The following SAMD10 variants were observed in gnomAD, a reference collection of about 807,000 sequenced individuals.
SAMD10 encodes sterile alpha motif domain containing 10.
A neutral mutation model predicts 22.5 loss-of-function variants in SAMD10; 16 were observed. The ratio of observed to expected loss-of-function variants is 0.71; its 90% CI spans 0.48 to 1.08. SAMD10 has a LOEUF of 1.08. Among genes scored for constraint, SAMD10 ranks in the 50% least tolerant of loss-of-function variants. The pLI is 0.00. For missense variants in SAMD10, 227 were observed against 281.3 expected, an observed-to-expected ratio of 0.81 and a Z score of 1.38; for synonymous variants, 118 against 122.2, an observed-to-expected ratio of 0.97 and a Z score of 0.23.
chr20:63,975,602 G>T (rs1291955336), intron 4 of SAMD10, 70 bp from the exon 5 acceptor site: 4 of 1,581,148 alleles, frequency 2.5e-6, no homozygotes, highest in Middle Eastern at 1.7e-4. Context: ...GCTTACTGGG[G>T]CCTGCAGCCG....
intron 3 of SAMD10, among the ~76,000 whole-genome samples, chr20:63,976,764 C>CAAAAAA (rs60461303): frequency 1.3e-4 from 8 of 63,924 alleles, no homozygotes; most frequent in African/African-American, 3.3e-4. Context: ...TCTGTCTCAC[C>CAAAAAA]AAAAAAAAAA....
chr20:63,978,156 C>T (rs1023684614), intron 1 of SAMD10: 17 of 473,850 alleles, frequency 3.6e-5, no homozygotes, highest in Admixed American at 1.3e-4. Flanking sequence ...TGGGGACCCA[C>T]GGTGATGCTC....
Position 63,975,502 on chromosome 20 carries a change from A to G in SAMD10, c.*8T>C, listed in dbSNP as rs1379538050. ...GTGCTGGGGTCTGGGTTCAAGCCTC[A>G]GCAGCAGCTAGGACATTTTCCCGAA... On this transcript the variant is annotated 3_prime_UTR_variant, in exon 5 of 5. Coordinates refer to ENST00000369886, the MANE Select transcript of SAMD10 (RefSeq NM_080621.5). The G allele has an allele frequency of 6.2e-7, 1 of 1,609,508 alleles. No homozygotes were observed. The highest frequency in any genetic ancestry group is 1.7e-5 in the Admixed American group (1 of 58,300).
In SAMD10 at chr20:63,979,619, G is replaced by A; in HGVS notation, c.-152C>T. The A allele has an allele frequency of 1.0e-6, 1 of 984,924 alleles. No homozygotes were observed. Among genetic ancestry groups the A allele is most frequent in the Non-Finnish European group, 1.2e-6 (1 of 830,038 alleles). 61.0% of individuals were successfully genotyped at this position (984,924 alleles called of 1,614,324 possible). On this transcript the variant is annotated 5_prime_UTR_variant, in exon 1 of 5. Coordinates refer to ENST00000369886, the MANE Select transcript of SAMD10 (RefSeq NM_080621.5). The surrounding 1 kb of genome is among the most constrained non-coding windows in gnomAD (Gnocchi z 7.7). ...CGCGGCCCGCGAGTGTGCGCGACGA[G>A]GCACCTGCCGCCGAGCCCTGTGTGC...
At chr20:63,978,202 G>A (rs1481352969) in intron 1 of SAMD10, 1 of 730,718 alleles carries the variant, frequency 1.4e-6, no homozygotes, top group Admixed American at 2.4e-5. Context: ...GCATTAAAGT[G>A]TTTCATCTGA....
intron 1 of SAMD10, among the ~76,000 whole-genome samples, chr20:63,978,890 C>G (rs2059042890): frequency 6.6e-6 from 1 of 152,218 alleles, no homozygotes; most frequent in African/African-American, 2.4e-5. Context: ...TCAGCCCGCA[C>G]GGCACCTGCC....
rs1344331635 is a variant in SAMD10 at position 63,975,709 on chromosome 20, A to G, written c.569T>C (p.Leu190Pro). ...ACACTGACCTTGGCTGAGCAGCTGC[A>G]GGCTCCGCCCCTCCTCACGCACCTG... ...RLQVREEGRS[L>P]QLLSQASFGK... Residue 190 changes from leucine to proline, a missense_variant, in exon 4 of 5, where the codon CTG (leucine) becomes CCG (proline). Transcript: ENST00000369886. The G allele has an allele frequency of 6.2e-7, 1 of 1,605,294 alleles. No individual in the cohort carries two copies. Among genetic ancestry groups the G allele is most frequent in the Non-Finnish European group, 8.5e-7 (1 of 1,177,294 alleles).
At position 63,979,392 on chromosome 20, in the gene SAMD10, G is replaced by T; in HGVS notation, c.76C>A (p.Arg26Ser). The T allele has an allele frequency of 6.7e-7, 1 of 1,487,516 alleles. No homozygotes were observed. Among genetic ancestry groups the T allele is most frequent in the Non-Finnish European group, 8.9e-7 (1 of 1,125,128 alleles). 92.1% of individuals were successfully genotyped at this position (1,487,516 alleles called of 1,614,324 possible). A position where few individuals can be genotyped will look rare whatever the true frequency, so the allele number is the denominator to read the frequency against. Residue 26 changes from arginine (R) to serine (S), a missense_variant, in exon 1 of 5, where the codon CGC becomes AGC. Transcript: ENST00000369886. The surrounding 1 kb of genome is among the most constrained non-coding windows in gnomAD (Gnocchi z 7.7). The part of the protein sequence containing the change: ...AGAVRAGFGE[R>S]RDVDATAHFS... Reference sequence around the variant, plus strand: ...CCCCGCTCACCGTCCACATCCCGGCGCTCCCCGAAGCCCGCGCGCACGGCC... The same window carrying T: ...CCCCGCTCACCGTCCACATCCCGGCTCTCCCCGAAGCCCGCGCGCACGGCC...
In SAMD10 at chr20:63,979,379, T is replaced by C; in HGVS notation, c.89A>G (p.Asp30Gly). Residue 30 changes from aspartate to glycine, a missense_variant and splice_region_variant, in exon 1 of 5, where the codon GAC becomes GGC. Physicochemically the swap from Asp to Gly is moderately conservative, Grantham distance 94 (BLOSUM62 -1). Transcript: ENST00000369886. This position sits in a 1 kb window ranked among gnomAD's most constrained non-coding sequence, Gnocchi z 7.7. The part of the protein sequence containing the change: ...RAGFGERRDV[D>G]ATAHFSFCRT... ...CTCCCCAATCCAGCCCCGCTCACCG[T>C]CCACATCCCGGCGCTCCCCGAAGCC... 1.4e-6 allele frequency: 2 copies of C among 1,477,440 alleles called. No homozygotes were observed. The highest frequency in any genetic ancestry group is 1.8e-6 in the Non-Finnish European group (2 of 1,120,346). 91.5% of individuals were successfully genotyped at this position (1,477,440 alleles called of 1,614,324 possible). A position where few individuals can be genotyped will look rare whatever the true frequency, so the allele number is the denominator to read the frequency against.
In SAMD10 at chr20:63,979,253, C is replaced by T. The variant is rs1003329179; in HGVS notation, c.91+124G>A. The T allele has an allele frequency of 1.1e-5, 7 of 643,076 alleles. No homozygotes were observed. Among genetic ancestry groups the T allele is most frequent in the Non-Finnish European group, 1.7e-5 (7 of 419,196 alleles). The allele number at this position is 643,076 out of a possible 1,614,324, so 39.8% of individuals were successfully genotyped here. A position where few individuals can be genotyped will look rare whatever the true frequency, so the allele number is the denominator to read the frequency against. ...GCTACGGGACCCCGTTGAGCCGAGA[C>T]ATCCGCCGAATACCCCCAGCCACCG... is the stretch of plus-strand genomic sequence containing the variant. On this transcript the variant is annotated intron_variant, in intron 1 of 4. Coordinates refer to ENST00000369886, the MANE Select transcript of SAMD10 (RefSeq NM_080621.5). This position sits in a 1 kb window ranked among gnomAD's most constrained non-coding sequence, Gnocchi z 7.7.
rs1449943387 is a variant in SAMD10 at position 63,977,349 on chromosome 20, C to T, written c.149G>A (p.Ser50Asn). ...TGTCCGAGGCAAGTGGCAGGGGATG[C>T]TCTCAGCTGACACCGTGTGCTCCAG... ...TLLEHTVSAE[S>N]IPCHLPRTPG... The change falls in exon 2 of 5, where the codon AGC (serine) becomes AAC (asparagine). Residue 50 changes from serine to asparagine, a missense_variant. Transcript: ENST00000369886. This position sits in a 1 kb window ranked among gnomAD's most constrained non-coding sequence, Gnocchi z 5.4. The T allele has an allele frequency of 1.2e-6, 2 of 1,613,394 alleles. No individual in the cohort carries two copies. Among genetic ancestry groups the T allele is most frequent in the Non-Finnish European group, 8.5e-7 (1 of 1,180,020 alleles).
rs2059007099 is a variant in SAMD10, at chr20:63,974,341, G to C, written c.*1169C>G. 6.6e-6 allele frequency: 1 copy of C among 152,590 alleles called. No homozygotes were observed. The highest frequency in any genetic ancestry group is 6.5e-5 in the Admixed American group (1 of 15,288). 9.5% of individuals were successfully genotyped at this position (152,590 alleles called of 1,614,324 possible). A position where few individuals can be genotyped will look rare whatever the true frequency, so the allele number is the denominator to read the frequency against. On this transcript the variant is annotated 3_prime_UTR_variant, in exon 5 of 5. Coordinates refer to ENST00000369886, the MANE Select transcript of SAMD10 (RefSeq NM_080621.5). ...GCAGGGATGAGGGTCTCCCCGTGGT[G>C]GGGGCTTACAGGATGGGAGCGGCCA... is the stretch of plus-strand genomic sequence containing the variant.
rs568621167 is a variant in SAMD10 at position 63,975,876 on chromosome 20, T to C, written c.446-44A>G. 11 of 1,512,316 alleles carry C rather than the reference T, an allele frequency of 7.3e-6. No individual in the cohort carries two copies. The South Asian group carries it at 1.4e-4, about 19-fold the overall frequency. 93.7% of individuals were successfully genotyped at this position (1,512,316 alleles called of 1,614,324 possible). On this transcript the variant is annotated intron_variant, in intron 3 of 4. Transcript: ENST00000369886. ...GGCTGAGCTGAGGCCAACAGAGGCA[T>C]CAAGAGCCAAGGCAAGGCTGGTGCC... is the stretch of plus-strand genomic sequence containing the variant.
rs1435487093 is a variant in SAMD10 at position 63,974,259 on chromosome 20, C to T, written c.*1251G>A. 2.6e-5 allele frequency: 4 copies of T among 152,556 alleles called. No individual in the cohort carries two copies. In the East Asian group the frequency reaches 7.7e-4, roughly 29 times the overall value. The allele number at this position is 152,556 out of a possible 1,614,324, so 9.5% of individuals were successfully genotyped here. A position where few individuals can be genotyped will look rare whatever the true frequency, so the allele number is the denominator to read the frequency against. On this transcript the variant is annotated 3_prime_UTR_variant, in exon 5 of 5. Transcript: ENST00000369886. ...GGAGGGAAGCAGAGGCAGAAGGGCC[C>T]CTTGGGCGAAGGCTGATGGTGGGAG...
Position 63,979,254 on chromosome 20 carries a change from A to G in SAMD10, c.91+123T>C, listed in dbSNP as rs2059046397. ...CTACGGGACCCCGTTGAGCCGAGACATCCGCCGAATACCCCCAGCCACCGC... is the reference window on the plus strand; with the variant it reads ...CTACGGGACCCCGTTGAGCCGAGACGTCCGCCGAATACCCCCAGCCACCGC... On this transcript the variant is annotated intron_variant, in intron 1 of 4. Transcript: ENST00000369886. This position sits in a 1 kb window ranked among gnomAD's most constrained non-coding sequence, Gnocchi z 7.7. 3.1e-6 allele frequency: 2 copies of G among 635,410 alleles called. No homozygotes were observed. The highest frequency in any genetic ancestry group is 2.3e-5 in the South Asian group (1 of 43,608). The allele number at this position is 635,410 out of a possible 1,614,324, so 39.4% of individuals were successfully genotyped here.
In SAMD10 at chr20:63,977,013, A is replaced by G. The variant is rs1171179539; in HGVS notation, c.403T>C (p.Tyr135His). Residue 135 changes from tyrosine (Y) to histidine (H), a missense_variant, in exon 3 of 5, where the codon TAC (tyrosine) becomes CAC (histidine). Physicochemically the swap from Tyr to His is moderately conservative, Grantham distance 83. Transcript: ENST00000369886. This position sits in a 1 kb window ranked among gnomAD's most constrained non-coding sequence, Gnocchi z 5.4. ...GAGAAGGCCTCCACGTAGACGAGGT[A>G]GTTGTGGGGACAGTGCTTCTTGAGC... is the stretch of plus-strand genomic sequence containing the variant. ...KWLKKHCPHN[Y>H]LVYVEAFSQH... 3 of 1,614,014 alleles carry G rather than the reference A, an allele frequency of 1.9e-6. No homozygotes were observed. Among genetic ancestry groups the G allele is most frequent in the Non-Finnish European group, 2.5e-6 (3 of 1,180,020 alleles).
In SAMD10 at chr20:63,977,105, G is replaced by A; in HGVS notation, c.311C>T (p.Thr104Ile). 6.2e-7 allele frequency: 1 copy of A among 1,614,046 alleles called. No homozygotes were observed. The highest frequency in any genetic ancestry group is 8.5e-7 in the Non-Finnish European group (1 of 1,180,004). Residue 104 changes from threonine to isoleucine, a missense_variant, in exon 3 of 5, where the codon ACA becomes ATA. Physicochemically the swap from Thr to Ile is moderately conservative, Grantham distance 89 (BLOSUM62 -1). Transcript: ENST00000369886. The surrounding 1 kb of genome is among the most constrained non-coding windows in gnomAD (Gnocchi z 5.4). ...GGTCAGGCCACCCAGCGAGGGGCTT[G>A]TATGGTACAGGCCATAGTGGTCAGA... ...LYSDHYGLYH[T>I]SPSLGGLTRP...
chr20:63,979,762 G>T (rs2122950084), upstream of SAMD10: 1 of 903,282 alleles, frequency 1.1e-6, no homozygotes, highest in Non-Finnish European at 1.3e-6. The surrounding 1 kb of genome is among the most constrained non-coding windows in gnomAD (Gnocchi z 7.7). Context: ...GCGGAGGAGA[G>T]TCCCCGTGAA....
Position 63,974,351 on chromosome 20 carries a change from AG to A in SAMD10, c.*1158del, listed in dbSNP as rs2059007119. Reference sequence around the variant, plus strand: ...GGGTCTCCCCGTGGTGGGGGCTTACAGGATGGGAGCGGCCAGGCCAGTTGTC... The same window carrying A: ...GGGTCTCCCCGTGGTGGGGGCTTACAGATGGGAGCGGCCAGGCCAGTTGTC... On this transcript the variant is annotated 3_prime_UTR_variant, in exon 5 of 5. Transcript: ENST00000369886. 1 of 152,626 alleles carries A rather than the reference AG, an allele frequency of 6.6e-6. No individual in the cohort carries two copies. Among genetic ancestry groups the A allele is most frequent in the African/African-American group, 2.4e-5 (1 of 41,458 alleles). 9.5% of individuals were successfully genotyped at this position (152,626 alleles called of 1,614,324 possible). A position where few individuals can be genotyped will look rare whatever the true frequency, so the allele number is the denominator to read the frequency against.
Sources: gnomAD v4.1 joint callset for allele counts (sites outside exome capture counted in the v4.1 genomes callset) on GRCh38, gnomAD v4.1.1 for gene constraint, Gnocchi (gnomAD v3.1) non-coding constraint, MANE v1.5 for transcripts, NCBI Gene and HGNC (gene_info 2026-07-23, HGNC 2026-07-21) for gene names.